The following GRM6 variants were observed in gnomAD, a reference collection of about 807,000 sequenced individuals.
GRM6 encodes the protein glutamate metabotropic receptor 6, also known as metabotropic glutamate receptor 6.
A neutral mutation model predicts 78.4 loss-of-function variants in GRM6; 73 were observed. The observed-to-expected ratio is 0.93, with a 90% confidence interval of 0.77 to 1.13. GRM6 has a LOEUF of 1.13. GRM6 is among the 50% of genes most tolerant of loss of function. GRM6 has a pLI of 0.00. For missense variants in GRM6, 1,251 were observed against 1,256.4 expected (o/e 1.00, Z 0.07); for synonymous variants, 580 against 555.0 (o/e 1.05, Z -0.63).
rs75435951 is a variant in GRM6, at chr5:178,983,754, C to G, written c.2125-533G>C. Among the ~76,000 whole-genome samples the G allele has an allele frequency of 0.01, 1,578 of 152,244 alleles. 85 individuals carry two copies. In the East Asian group the frequency reaches 0.15, roughly 15 times the overall value. The stretch of plus-strand genomic sequence containing the variant: ...GAGGAGTACTGGAGTCTGTGCAGGC[C>G]CTCACAGGGAGGAGATGGAGTTACC... On this transcript the variant is annotated intron_variant, in intron 9 of 10. Transcript: ENST00000517717.
At chr5:178,982,684 G>T in intron 10 of GRM6, 1 of 376,508 alleles carries the variant, frequency 2.7e-6, no homozygotes, top group Non-Finnish European at 4.5e-6. Flanking sequence ...TCAAAGAAAT[G>T]AAAATGATAA....
chr5:178,989,051 T>G lies in GRM6; in HGVS notation c.1238A>C (p.His413Pro). ...FVIDAVYAIA[H>P]ALHSMHQALC... ...CGCCTGGTGCATGCTGTGGAGGGCG[T>G]GGGCAATGGCGTACACCGCATCAAT... is the stretch of plus-strand genomic sequence containing the variant. The change falls in exon 7 of 11, where the codon CAC becomes CCC. Residue 413 changes from histidine (H) to proline (P), a missense_variant. Coordinates refer to ENST00000517717, the MANE Select transcript of GRM6 (RefSeq NM_000843.4). 4 of 1,613,970 alleles carry G rather than the reference T, an allele frequency of 2.5e-6. No individual in the cohort carries two copies. In the South Asian group the frequency reaches 4.4e-5, roughly 18 times the overall value.
Position 178,981,958 on chromosome 5 carries a change from G to C in GRM6, c.2437-104C>G. 1.2e-6 allele frequency: 1 copy of C among 846,806 alleles called. No individual in the cohort carries two copies. Among genetic ancestry groups the C allele is most frequent in the Non-Finnish European group, 2.1e-6 (1 of 486,542 alleles). The allele number at this position is 846,806 out of a possible 1,614,324, so 52.5% of individuals were successfully genotyped here. The stretch of plus-strand genomic sequence containing the variant: ...TCTGGAGCTGAGTCTGTTTCAGTTG[G>C]GGAACTGGGAATGAGCACTTAGACC... On this transcript the variant is annotated intron_variant, in intron 10 of 10. Transcript: ENST00000517717. The surrounding 1 kb of genome is among the most constrained non-coding windows in gnomAD (Gnocchi z 5.1).
Position 178,995,143 on chromosome 5 carries a change from G to A in GRM6, c.-17+133C>T, listed in dbSNP as rs536232808. On this transcript the variant is annotated intron_variant, in intron 1 of 10. Transcript: ENST00000517717. ...CCTCCGTCTCGCTCTTACAAGCGCC[G>A]AACCCTGTCGCCCGGGGTCCCGCCC... 27 of 218,696 alleles carry A rather than the reference G, an allele frequency of 1.2e-4. No individual in the cohort carries two copies. The East Asian group carries it at 2.8e-3, about 23-fold the overall frequency. The allele number at this position is 218,696 out of a possible 1,614,324, so 13.5% of individuals were successfully genotyped here.
At position 178,989,118 on chromosome 5, in the gene GRM6, G is replaced by A. The variant is rs755901377; in HGVS notation, c.1171C>T (p.Arg391Trp). ...RKCTGEERIG[R>W]DSTYEQEGKV... ...CCCTCCTGCTCGTAGGTGGAGTCCC[G>A]GCCGATGCGTTCCTCGCCTGTCCTA... Residue 391 changes from arginine (R) to tryptophan (W), a missense_variant, in exon 7 of 11, where the codon CGG (arginine) becomes TGG (tryptophan). Arg to Trp is a moderately radical substitution (Grantham distance 101, BLOSUM62 -3). Coordinates refer to ENST00000517717, the MANE Select transcript of GRM6 (RefSeq NM_000843.4). 3.0e-5 allele frequency: 49 copies of A among 1,613,740 alleles called. No individual in the cohort carries two copies. The highest frequency in any genetic ancestry group is 4.0e-5 in the Non-Finnish European group (47 of 1,179,940).
At position 178,981,182 on chromosome 5, in the gene GRM6, T is replaced by C. The variant is rs1439956201; in HGVS notation, c.*475A>G. The C allele has an allele frequency of 5.6e-6, 1 of 179,678 alleles. No individual in the cohort carries two copies. Among genetic ancestry groups the C allele is most frequent in the African/African-American group, 2.4e-5 (1 of 42,092 alleles). 11.1% of individuals were successfully genotyped at this position (179,678 alleles called of 1,614,324 possible). A position where few individuals can be genotyped will look rare whatever the true frequency, so the allele number is the denominator to read the frequency against. ...CCAGGCCTGAGTGCCTCCATCCAGA[T>C]GCACAGCCCCAGGTCTCCTCTTGCT... On this transcript the variant is annotated 3_prime_UTR_variant, in exon 11 of 11. Transcript: ENST00000517717. This position sits in a 1 kb window ranked among gnomAD's most constrained non-coding sequence, Gnocchi z 5.1.
rs112475763 is a variant in GRM6 at position 178,988,875 on chromosome 5, C to T, written c.1354+60G>A. 5.9e-3 allele frequency: 8,482 copies of T among 1,430,476 alleles called. 400 individuals are homozygous for T. In the African/African-American group the frequency reaches 0.1, roughly 17 times the overall value. 88.6% of individuals were successfully genotyped at this position (1,430,476 alleles called of 1,614,324 possible). A position where few individuals can be genotyped will look rare whatever the true frequency, so the allele number is the denominator to read the frequency against. On this transcript the variant is annotated intron_variant, in intron 7 of 10. Coordinates refer to ENST00000517717, the MANE Select transcript of GRM6 (RefSeq NM_000843.4). This position sits in a 1 kb window ranked among gnomAD's most constrained non-coding sequence, Gnocchi z 6.0. ...CACCCTGAGGTTGTCCCAGGCCTCA[C>T]AGCAAAATCCAGCCCCCCAGCTGTC... is the stretch of plus-strand genomic sequence containing the variant.
chr5:178,991,706 T>C lies in GRM6; in HGVS notation c.722-147A>G. ...CCCTCCGCCAAGCCTGAGGCAGGGC[T>C]GAGTCGTCCAAAACAAAGAGGTCCC... On this transcript the variant is annotated intron_variant, in intron 3 of 10. Transcript: ENST00000517717. The surrounding 1 kb of genome is among the most constrained non-coding windows in gnomAD (Gnocchi z 5.0). The C allele has an allele frequency of 2.5e-6, 3 of 1,185,248 alleles. No individual in the cohort carries two copies. The highest frequency in any genetic ancestry group is 3.7e-6 in the Non-Finnish European group (3 of 802,388). 73.4% of individuals were successfully genotyped at this position (1,185,248 alleles called of 1,614,324 possible). A position where few individuals can be genotyped will look rare whatever the true frequency, so the allele number is the denominator to read the frequency against.
At position 178,991,919 on chromosome 5, in the gene GRM6, G is replaced by A; in HGVS notation, c.669C>T (p.Gly223=). 1 of 1,614,124 alleles carries A rather than the reference G, an allele frequency of 6.2e-7. No individual in the cohort carries two copies. ...CCTCAACCCCACTTTCGCCATAGTT[G>A]CCCTCGGAGGCCAGCGTGGACACAT... is the stretch of plus-strand genomic sequence containing the variant. ...WNYVSTLASE[G]NYGESGVEAF... is the part of the protein sequence containing the mutation. Residue 223 remains glycine (G), a synonymous_variant, in exon 3 of 11, where the codon GGC becomes GGT. Transcript: ENST00000517717. The surrounding 1 kb of genome is among the most constrained non-coding windows in gnomAD (Gnocchi z 5.0).
chr5:178,989,425 G>C lies in GRM6; in HGVS notation c.1013-20C>G, dbSNP rs774128030. ...CAAATCCTACAGACAGGGAAGAAGG[G>C]GGAGGGTGGCGCTGACCTGAGCCAG... On this transcript the variant is annotated intron_variant, in intron 5 of 10. Coordinates refer to ENST00000517717, the MANE Select transcript of GRM6 (RefSeq NM_000843.4). 7 of 1,613,718 alleles carry C rather than the reference G, an allele frequency of 4.3e-6. No individual in the cohort carries two copies. In the African/African-American group the frequency reaches 6.7e-5, roughly 15 times the overall value.
At chr5:178,994,247 C>T (rs758908505) in intron 2 of GRM6, among the ~76,000 whole-genome samples, 194 bp downstream of exon 2, 1 of 152,234 alleles carries the variant, frequency 6.6e-6, no homozygotes, top group Non-Finnish European at 1.5e-5. Flanking sequence ...TAGACATGGG[C>T]GGCTGGAGTG....
chr5:178,989,188 G>A (rs746649131), intron 6 of GRM6, 53 bp from the exon 7 acceptor site: 37 of 1,581,752 alleles, frequency 2.3e-5, no homozygotes, highest in African/African-American at 4.1e-5. Flanking sequence ...CACCGAACCC[G>A]GCCTCCCGCC....
intron 6 of GRM6, 50 bp downstream of exon 6, chr5:178,989,215 T>TGCC: frequency 1.1e-6 from 1 of 886,706 alleles, no homozygotes; most frequent in Non-Finnish European, 1.6e-6. Context: ...CTCCCCACCC[T>TGCC]CACCACCCTC....
chr5:178,986,437 G>T lies in GRM6; in HGVS notation c.1817C>A (p.Thr606Asn). The T allele has an allele frequency of 1.9e-6, 3 of 1,613,384 alleles. No individual in the cohort carries two copies. The highest frequency in any genetic ancestry group is 2.5e-6 in the Non-Finnish European group (3 of 1,179,944). The change falls in exon 9 of 11, where the codon ACC becomes AAC. Residue 606 changes from threonine (T) to asparagine (N), a missense_variant. Physicochemically the swap from Thr to Asn is moderately conservative, Grantham distance 65 (BLOSUM62 0). Transcript: ENST00000517717. ...GIVATTTVVA[T>N]FVRYNNTPIV... ...GGGCGTGTTGTTGTACCGCACGAAG[G>T]TGGCCACCACCGTGGTAGTGGCCAC... is the stretch of plus-strand genomic sequence containing the variant.
chr5:178,987,921 A>G (rs79992701), intron 7 of GRM6, among the ~76,000 whole-genome samples: 1 of 143,862 alleles, frequency 7.0e-6, no homozygotes, highest in African/African-American at 2.6e-5. Context: ...CGCCATGCCC[A>G]GCTAATTTTT....
intron 9 of GRM6, among the ~76,000 whole-genome samples, chr5:178,983,891 C>G (rs974035243): frequency 6.6e-6 from 1 of 152,226 alleles, no homozygotes; most frequent in Non-Finnish European, 1.5e-5. Context: ...CACGTTCGTG[C>G]TGGTTGTTCA....
chr5:178,989,320 G>C lies in GRM6; in HGVS notation c.1098C>G (p.Asn366Lys), dbSNP rs1760630726. 1 of 1,611,966 alleles carries C rather than the reference G, an allele frequency of 6.2e-7. No homozygotes were observed. The highest frequency in any genetic ancestry group is 1.3e-5 in the African/African-American group (1 of 74,626). The change falls in exon 6 of 11, where the codon AAC becomes AAG. Residue 366 changes from asparagine (N) to lysine (K), a missense_variant. By Grantham distance (94) the Asn-to-Lys change is moderately conservative. Coordinates refer to ENST00000517717, the MANE Select transcript of GRM6 (RefSeq NM_000843.4). ...WFAEFWEENFNCKLTSSGTQS... is the reference protein window; with the variant it reads ...WFAEFWEENFKCKLTSSGTQS... ...GGGTACCTGAGCTGGTCAGTTTGCA[G>C]TTAAAATTCTCTTCCCAGAACTCGG...
intron 5 of GRM6, 89 bp downstream of exon 5, chr5:178,990,503 C>A: frequency 9.4e-7 from 1 of 1,066,166 alleles, no homozygotes; most frequent in Non-Finnish European, 1.5e-6. Flanking sequence ...GATTATGGCA[C>A]CAATTACACA....
rs1187072237 is a variant in GRM6 at position 178,994,784 on chromosome 5, C to A, written c.161G>T (p.Gly54Val). Residue 54 changes from glycine (G) to valine (V), a missense_variant, in exon 2 of 11, where the codon GGC becomes GTC. By Grantham distance (109) the Gly-to-Val change is moderately radical. Coordinates refer to ENST00000517717, the MANE Select transcript of GRM6 (RefSeq NM_000843.4). ...LFPVHARGAAGRACGQLKKEQ... is the reference protein window; with the variant it reads ...LFPVHARGAAVRACGQLKKEQ... ...CTTCTTCAGCTGCCCGCACGCCCGG[C>A]CCGCCGCGCCCCGCGCGTGCACCGG... is the stretch of plus-strand genomic sequence containing the variant. 2 of 1,326,364 alleles carry A rather than the reference C, an allele frequency of 1.5e-6. No homozygotes were observed. The highest frequency in any genetic ancestry group is 1.9e-6 in the Non-Finnish European group (2 of 1,032,584). The allele number at this position is 1,326,364 out of a possible 1,614,324, so 82.2% of individuals were successfully genotyped here. A position where few individuals can be genotyped will look rare whatever the true frequency, so the allele number is the denominator to read the frequency against.
Sources: gnomAD v4.1 joint callset for allele counts (sites outside exome capture counted in the v4.1 genomes callset) on GRCh38, gnomAD v4.1.1 for gene constraint, Gnocchi (gnomAD v3.1) non-coding constraint, MANE v1.5 for transcripts, NCBI Gene and HGNC (gene_info 2026-07-23, HGNC 2026-07-21) for gene names.